Variants in CACNB4 observed in about 807,000 individuals in gnomAD.
CACNB4 encodes voltage-dependent L-type calcium channel subunit beta-4.
CACNB4 carries 32 observed loss-of-function variants against 71.2 expected under a neutral mutation model. The observed-to-expected ratio is 0.45, with a 90% CI of 0.34 to 0.60. CACNB4 has a LOEUF of 0.60. CACNB4 is among the 20% of genes least tolerant of loss of function. The pLI is 0.01. For missense variants in CACNB4, 464 were observed against 647.9 expected (o/e 0.72, Z 3.08); for synonymous variants, 231 against 236.9 (o/e 0.97, Z 0.23).
chr2:152,048,116 T>C (rs1685229226), intron 2 of CACNB4, among the ~76,000 whole-genome samples: 1 of 152,156 alleles, frequency 6.6e-6, no homozygotes. Context: ...GTGGACCAGA[T>C]GACTCTTTGT....
intron 2 of CACNB4, among the ~76,000 whole-genome samples, chr2:152,084,642 C>T (rs1687548130): frequency 6.6e-6 from 1 of 152,170 alleles, no homozygotes; most frequent in Admixed American, 6.5e-5. Context: ...CAGGGTCTCA[C>T]TGTGTCAACC....
At chr2:151,870,178 C>T (rs1254074259) in intron 8 of CACNB4, 1 of 668,168 alleles carries the variant, frequency 1.5e-6, no homozygotes, top group South Asian at 1.7e-5. Flanking sequence ...TGTTTGTCCT[C>T]TTGTGCTGTT....
intron 2 of CACNB4, among the ~76,000 whole-genome samples, chr2:151,994,835 T>G (rs543188281): frequency 7.6e-4 from 115 of 151,018 alleles, no homozygotes; most frequent in Non-Finnish European, 1.3e-3. Flanking sequence ...AGAGACAGAG[T>G]CTTGCCCATG....
chr2:151,855,459 T>C (rs2099840042), intron 10 of CACNB4, 84 bp from the exon 11 acceptor site: 2 of 1,036,476 alleles, frequency 1.9e-6, no homozygotes, highest in East Asian at 2.6e-5. Context: ...TTTTCAGATA[T>C]GTTGGTCTAC....
rs182647063 is a variant in CACNB4 at position 151,917,326 on chromosome 2, G to C, written c.148-33956C>G. 8.8e-4 allele frequency among the ~76,000 whole-genome samples: 134 copies of C among 152,206 alleles called. 1 individual carries two copies. The highest frequency in any genetic ancestry group is 5.4e-3 in the East Asian group (28 of 5,174). On this transcript the variant is annotated intron_variant, in intron 2 of 13. Transcript: ENST00000539935. ...GGCTCTTAGTATAATCCCTATATAA[G>C]ACAGGTTCTGGAGTATAAGGAATAG...
At chr2:151,869,894 C>T in intron 8 of CACNB4, 1 of 341,806 alleles carries the variant, frequency 2.9e-6, no homozygotes, top group Non-Finnish European at 5.3e-6. Context: ...AGGCTGCTCA[C>T]CTTCAGAGTT....
At chr2:151,908,978 A>T (rs2099855474) in intron 2 of CACNB4, among the ~76,000 whole-genome samples, 1 of 151,786 alleles carries the variant, frequency 6.6e-6, no homozygotes, top group Admixed American at 6.6e-5. Flanking sequence ...TTTTAAAGAA[A>T]GGGAACAGGT....
At chr2:151,943,450 T>C (rs2099864774) in intron 2 of CACNB4, among the ~76,000 whole-genome samples, 1 of 152,012 alleles carries the variant, frequency 6.6e-6, no homozygotes, top group Non-Finnish European at 1.5e-5. Context: ...TATAAAGAGG[T>C]CTTCTGGCTA....
chr2:151,982,948 A>G (rs1357194556), intron 2 of CACNB4, among the ~76,000 whole-genome samples: 1 of 152,322 alleles, frequency 6.6e-6, no homozygotes, highest in East Asian at 1.9e-4. Flanking sequence ...ACTCAGAAAA[A>G]AAGACCTCAC....
chr2:151,973,735 A>T, intron 2 of CACNB4: 1 of 1,611,086 alleles, frequency 6.2e-7, no homozygotes, highest in Non-Finnish European at 8.5e-7. Flanking sequence ...AATCCAGAGC[A>T]CCTCTTTCAA....
intron 12 of CACNB4, among the ~76,000 whole-genome samples, chr2:151,845,726 C>T (rs1379962433): frequency 1.3e-5 from 2 of 152,184 alleles, no homozygotes; most frequent in Non-Finnish European, 2.9e-5. Flanking sequence ...AGAAGGGCAA[C>T]GCTGAGCTGT....
chr2:151,929,043 T>A (rs1005993930), intron 2 of CACNB4, among the ~76,000 whole-genome samples: 1 of 152,230 alleles, frequency 6.6e-6, no homozygotes, highest in Non-Finnish European at 1.5e-5. Flanking sequence ...GAGATTCTGC[T>A]GAAGATATTG....
At chr2:151,917,543 C>T (rs534488896) in intron 2 of CACNB4, among the ~76,000 whole-genome samples, 2 of 152,150 alleles carry the variant, frequency 1.3e-5, no homozygotes, top group Middle Eastern at 3.4e-3. Flanking sequence ...ACCAGATATA[C>T]ACAAGATTTC....
chr2:152,076,463 C>T (rs1284292321), intron 2 of CACNB4, among the ~76,000 whole-genome samples: 3 of 151,858 alleles, frequency 2.0e-5, no homozygotes, highest in Non-Finnish European at 2.9e-5. Flanking sequence ...CGCCTGGCCG[C>T]TTTTCATTTT....
chr2:152,003,736 C>T (rs971252663), intron 2 of CACNB4, among the ~76,000 whole-genome samples: 10 of 151,242 alleles, frequency 6.6e-5, no homozygotes, highest in African/African-American at 2.4e-4. Context: ...TTTAGATATA[C>T]AGAATTCTTG....
chr2:151,945,151 A>C (rs1010757200), intron 2 of CACNB4, among the ~76,000 whole-genome samples: 6 of 152,204 alleles, frequency 3.9e-5, no homozygotes, highest in Admixed American at 1.3e-4. Context: ...TTGTTTGTTA[A>C]AATGATTTCC....
At chr2:151,960,916 A>T (rs1236526735) in intron 2 of CACNB4, among the ~76,000 whole-genome samples, 1 of 152,240 alleles carries the variant, frequency 6.6e-6, no homozygotes, top group Non-Finnish European at 1.5e-5. Context: ...ATACATGTAG[A>T]TCAATGGATT....
intron 2 of CACNB4, among the ~76,000 whole-genome samples, chr2:152,014,516 A>G (rs912735091): frequency 2.0e-5 from 3 of 151,932 alleles, no homozygotes; most frequent in African/African-American, 7.3e-5. Flanking sequence ...ACATCACTTG[A>G]GGCCAGGAGT....
intron 2 of CACNB4, among the ~76,000 whole-genome samples, chr2:151,976,766 G>A (rs569712940): frequency 4.6e-5 from 7 of 152,288 alleles, no homozygotes; most frequent in African/African-American, 1.7e-4. Flanking sequence ...GACTATCTCT[G>A]CCCCAAGATT....
Sources: gnomAD v4.1 joint callset for allele counts (sites outside exome capture counted in the v4.1 genomes callset) on GRCh38, gnomAD v4.1.1 for gene constraint, MANE v1.5 for transcripts, NCBI Gene and HGNC (gene_info 2026-07-23, HGNC 2026-07-21) for gene names.